Variants in XPC observed in about 807,000 individuals in gnomAD.
XPC encodes the protein DNA repair protein complementing XP-C cells.
In XPC, 76 loss-of-function variants were observed where a neutral mutation model predicts 95.8. The observed-to-expected ratio is 0.79, with a 90% CI of 0.66 to 0.96. The LOEUF (loss-of-function observed/expected upper bound fraction) is 0.96, where lower values mean the gene tolerates loss of function less well. Ranked by LOEUF, XPC falls within the 40% of genes least tolerant of loss-of-function variation. The pLI is 0.00. For missense variants in XPC, 1,146 were observed against 1,179.8 expected, an observed-to-expected ratio of 0.97 and a Z score of 0.42; for synonymous variants, 442 against 442.1, an observed-to-expected ratio of 1.00 and a Z score of 0.00.
In XPC at chr3:14,168,576, G is replaced by A. The variant is rs573759087; in HGVS notation, c.413-196C>T. On this transcript the variant is annotated intron_variant, in intron 3 of 15. Coordinates refer to ENST00000285021, the MANE Select transcript of XPC (RefSeq NM_004628.5). ...GCAGTGTGCTGAGTGTTATATATTC[G>A]TGTGTCTCATTTAACCCACACAACC... 1.5e-4 allele frequency among the ~76,000 whole-genome samples: 22 copies of A among 151,646 alleles called. No individual in the cohort carries two copies. In the South Asian group the frequency reaches 1.9e-3, roughly 13 times the overall value.
At chr3:14,150,194 A>G (rs1342084901) in intron 11 of XPC, among the ~76,000 whole-genome samples, 2 of 152,236 alleles carry the variant, frequency 1.3e-5, no homozygotes, top group African/African-American at 2.4e-5. Flanking sequence ...GGGGCGCAGG[A>G]CAGGCAAGGA....
intron 11 of XPC, among the ~76,000 whole-genome samples, chr3:14,150,510 CCTTT>C (rs1410197869): frequency 1.3e-5 from 2 of 152,324 alleles, no homozygotes; most frequent in South Asian, 2.1e-4. Context: ...GACAACCGTC[CCTTT>C]CTGAGAAGCC....
intron 3 of XPC, among the ~76,000 whole-genome samples, chr3:14,169,051 A>G (rs1242970465): frequency 1.3e-5 from 2 of 152,240 alleles, no homozygotes; most frequent in Non-Finnish European, 2.9e-5. Context: ...GTCTCTATAC[A>G]TGAATCTCTA....
intron 9 of XPC, 73 bp from the exon 10 acceptor site, chr3:14,156,568 T>C: frequency 6.3e-7 from 1 of 1,599,840 alleles, no homozygotes; most frequent in Non-Finnish European, 8.5e-7. Flanking sequence ...AGATGATCCT[T>C]AGACTAACTT....
intron 11 of XPC, 116 bp downstream of exon 11, chr3:14,152,219 G>A: frequency 1.2e-6 from 1 of 805,318 alleles, no homozygotes; most frequent in South Asian, 1.8e-5. Context: ...AGACATTTCT[G>A]ATCAGGATCC....
intron 10 of XPC, among the ~76,000 whole-genome samples, chr3:14,155,770 G>T (rs1162103083): frequency 6.6e-6 from 1 of 152,154 alleles, no homozygotes; most frequent in African/African-American, 2.4e-5. Flanking sequence ...GTGTTAGCCA[G>T]GATGGTCTCG....
chr3:14,168,428 A>G (rs1696477393), intron 3 of XPC, 48 bp from the exon 4 acceptor site: 1 of 1,604,380 alleles, frequency 6.2e-7, no homozygotes, highest in African/African-American at 1.3e-5. Flanking sequence ...AACAATAATA[A>G]TAGCTACTGT....
chr3:14,153,293 G>A (rs909215175), intron 10 of XPC: 12 of 152,272 alleles, frequency 7.9e-5, no homozygotes, highest in Non-Finnish European at 1.6e-4. Flanking sequence ...CTGAGCCTCA[G>A]TACAGACAGT....
At chr3:14,166,929 T>C (rs998055508) in intron 5 of XPC, among the ~76,000 whole-genome samples, 2 of 152,198 alleles carry the variant, frequency 1.3e-5, no homozygotes, top group African/African-American at 4.8e-5. Flanking sequence ...AAGTGCTCTT[T>C]ATTTAGCCTC....
chr3:14,170,118 C>T (rs887445344), intron 3 of XPC, among the ~76,000 whole-genome samples: 1 of 152,226 alleles, frequency 6.6e-6, no homozygotes, highest in African/African-American at 2.4e-5. Flanking sequence ...CACACTGCCA[C>T]CTAAGTGGCA....
intron 15 of XPC, among the ~76,000 whole-genome samples, chr3:14,146,666 G>A (rs1055565744): frequency 6.6e-6 from 1 of 152,130 alleles, no homozygotes; most frequent in Admixed American, 6.5e-5. Context: ...TCCACCAGAG[G>A]GACTGGAATG....
intron 11 of XPC, 87 bp downstream of exon 11, chr3:14,152,248 T>A (rs1695720818): frequency 8.6e-7 from 1 of 1,160,464 alleles, no homozygotes; most frequent in Non-Finnish European, 1.2e-6. Flanking sequence ...ACTGGGAGGC[T>A]CATCATCACT....
At chr3:14,159,676 A>AT in intron 8 of XPC, 65 bp downstream of exon 8, 2 of 1,449,422 alleles carry the variant, frequency 1.4e-6, no homozygotes, top group African/African-American at 1.4e-5. Context: ...ATAATGATCA[A>AT]TTTTTTTAAG....
At chr3:14,156,253 T>A (rs903606779) in intron 10 of XPC, 82 bp downstream of exon 10, 11 of 1,521,098 alleles carry the variant, frequency 7.2e-6, no homozygotes, top group Non-Finnish European at 9.7e-6. Flanking sequence ...TGAGCTCCCA[T>A]CAGCAACCCT....
Position 14,165,598 on chromosome 3 carries a change from A to G in XPC, c.622-13T>C. On this transcript the variant is annotated splice_polypyrimidine_tract_variant and intron_variant, in intron 5 of 15. Coordinates refer to ENST00000285021, the MANE Select transcript of XPC (RefSeq NM_004628.5). ...AGAGAAGGTGAACCTGTGAAGAGGA[A>G]AGGAGGAAGGGGCAGCATGGAAGGA... The G allele has an allele frequency of 1.9e-6, 3 of 1,613,070 alleles. No individual in the cohort carries two copies.
intron 10 of XPC, among the ~76,000 whole-genome samples, chr3:14,155,800 C>T (rs1019072354): frequency 4.6e-5 from 7 of 152,112 alleles, no homozygotes; most frequent in Non-Finnish European, 5.9e-5. Flanking sequence ...CCTCGGGATC[C>T]GCCCGCCTCG....
intron 5 of XPC, chr3:14,165,949 G>A (rs368458331): frequency 1.5e-4 from 39 of 264,364 alleles, no homozygotes; most frequent in South Asian, 6.9e-4. Flanking sequence ...AGAAGAAAAG[G>A]CAAGTGGAGT....
chr3:14,158,451 C>G lies in XPC; in HGVS notation c.1432G>C (p.Ala478Pro). Residue 478 changes from alanine to proline, a missense_variant, in exon 9 of 16, where the codon GCT becomes CCT. Physicochemically the swap from Ala to Pro is conservative, Grantham distance 27. Transcript: ENST00000285021. This position sits in a 1 kb window ranked among gnomAD's most constrained non-coding sequence, Gnocchi z 5.2. ...RKAPAPQRTK[A>P]GSKSASRTHR... Reference sequence around the variant, plus strand: ...GTCCTGGAGGCACTCTTGGACCCAGCCTTTGTCCTCTGAGGAGCGGGGGCT... The same window carrying G: ...GTCCTGGAGGCACTCTTGGACCCAGGCTTTGTCCTCTGAGGAGCGGGGGCT... The G allele has an allele frequency of 6.2e-7, 1 of 1,613,562 alleles. No homozygotes were observed. Among genetic ancestry groups the G allele is most frequent in the Non-Finnish European group, 8.5e-7 (1 of 1,179,666 alleles).
At chr3:14,155,186 G>A (rs1695852551) in intron 10 of XPC, among the ~76,000 whole-genome samples, 1 of 152,198 alleles carries the variant, frequency 6.6e-6, no homozygotes, top group African/African-American at 2.4e-5. Flanking sequence ...GGTCCAGCAT[G>A]ACTCCCATGG....
Sources: gnomAD v4.1 joint callset for allele counts (sites outside exome capture counted in the v4.1 genomes callset) on GRCh38, gnomAD v4.1.1 for gene constraint, Gnocchi (gnomAD v3.1) non-coding constraint, MANE v1.5 for transcripts, NCBI Gene and HGNC (gene_info 2026-07-23, HGNC 2026-07-21) for gene names.